Variants in ARHGAP31 observed in about 807,000 individuals in gnomAD.
ARHGAP31 encodes rho GTPase-activating protein 31.
ARHGAP31 carries 34 observed loss-of-function variants against 113.9 expected under a neutral mutation model. The observed-to-expected ratio is 0.30, with a 90% CI of 0.23 to 0.40. ARHGAP31 has a LOEUF of 0.40. Among genes scored for constraint, ARHGAP31 ranks in the 10% least tolerant of loss-of-function variants. The pLI is 1.00. For missense variants in ARHGAP31, 1,548 were observed against 1,767.1 expected, an observed-to-expected ratio of 0.88 and a Z score of 2.22; for synonymous variants, 650 against 684.8, an observed-to-expected ratio of 0.95 and a Z score of 0.79.
chr3:119,405,694 A>G (rs2080655221), intron 10 of ARHGAP31, among the ~76,000 whole-genome samples: 1 of 152,230 alleles, frequency 6.6e-6, no homozygotes, highest in Admixed American at 6.5e-5. Flanking sequence ...AACGATTATC[A>G]ATCTCTGCCT....
chr3:119,369,763 T>G (rs997484209), intron 3 of ARHGAP31, among the ~76,000 whole-genome samples: 25 of 152,182 alleles, frequency 1.6e-4, no homozygotes, highest in African/African-American at 5.8e-4. Context: ...GACTAACAAC[T>G]GTTCATTTCA....
chr3:119,384,900 G>A (rs1049079180), intron 6 of ARHGAP31, among the ~76,000 whole-genome samples: 1 of 151,158 alleles, frequency 6.6e-6, no homozygotes, highest in Non-Finnish European at 1.5e-5. Context: ...CATATAAATG[G>A]AATCATGCCA....
rs372969239 is a variant in ARHGAP31 at position 119,392,250 on chromosome 3, C to A, written c.882-1217C>A. ...ATCGTTTGAGCCCAGGAGTTTGAGA[C>A]CAGCCTGGGCAACATGGTGAAACCC... On this transcript the variant is annotated intron_variant, in intron 7 of 11. Coordinates refer to ENST00000264245, the MANE Select transcript of ARHGAP31 (RefSeq NM_020754.4). Among the ~76,000 whole-genome samples the A allele has an allele frequency of 2.4e-4, 37 of 152,282 alleles. No homozygotes were observed. In the South Asian group the frequency reaches 5.2e-3, roughly 21 times the overall value.
intron 1 of ARHGAP31, among the ~76,000 whole-genome samples, chr3:119,311,045 C>T (rs1423947116): frequency 6.6e-6 from 1 of 152,182 alleles, no homozygotes. Context: ...AGCCTATGTT[C>T]CCCTCTGTCT....
chr3:119,330,624 A>AG (rs1241566628), intron 1 of ARHGAP31, among the ~76,000 whole-genome samples: 10 of 152,188 alleles, frequency 6.6e-5, no homozygotes, highest in Admixed American at 5.9e-4. Context: ...AGCCTTAAGC[A>AG]AGTCACCTCC....
rs1282514358 is a variant in ARHGAP31, at chr3:119,409,751, C to A, written c.1901C>A (p.Ala634Asp). Residue 634 changes from alanine to aspartate, a missense_variant, in exon 11 of 12, where the codon GCC (alanine) becomes GAC (aspartate). Coordinates refer to ENST00000264245, the MANE Select transcript of ARHGAP31 (RefSeq NM_020754.4). ...STLQESPRAR[A>D]EAVLLHEMDE... is the part of the protein sequence containing the mutation. ...CTGCAGGAGAGCCCCAGGGCCAGAG[C>A]CGAAGCTGTGCTTCTCCATGAGATG... The A allele has an allele frequency of 6.2e-7, 1 of 1,605,804 alleles. No individual in the cohort carries two copies. The highest frequency in any genetic ancestry group is 8.5e-7 in the Non-Finnish European group (1 of 1,176,774).
intron 1 of ARHGAP31, among the ~76,000 whole-genome samples, chr3:119,332,671 ACACACG>A (rs2079905700): frequency 6.8e-6 from 1 of 147,052 alleles, no homozygotes; most frequent in African/African-American, 2.6e-5. Flanking sequence ...ACACACACAC[ACACACG>A]CATGCACGCA....
intron 10 of ARHGAP31, among the ~76,000 whole-genome samples, chr3:119,404,273 T>C (rs2080641665): frequency 6.6e-6 from 1 of 152,252 alleles, no homozygotes; most frequent in African/African-American, 2.4e-5. Flanking sequence ...TTATCCGTTT[T>C]TCCCCCTCTC....
chr3:119,332,635 T>TCTCACACA (rs1403595583), intron 1 of ARHGAP31, among the ~76,000 whole-genome samples: 39 of 85,730 alleles, frequency 4.5e-4, no homozygotes, highest in Admixed American at 1.1e-3. Flanking sequence ...TCTCTCTCTC[T>TCTCACACA]CACACACACA....
chr3:119,382,453 C>A lies in ARHGAP31; in HGVS notation c.539+54C>A, dbSNP rs569585203. ...AGCCCAGGGGGCTCAGAGCAGCCCC[C>A]GATTGAAATGAAGATTGGATTCTTC... On this transcript the variant is annotated intron_variant, in intron 5 of 11. Coordinates refer to ENST00000264245, the MANE Select transcript of ARHGAP31 (RefSeq NM_020754.4). 3.1e-5 allele frequency: 47 copies of A among 1,514,944 alleles called. No individual in the cohort carries two copies. The African/African-American group carries it at 4.6e-4, about 15-fold the overall frequency. 93.8% of individuals were successfully genotyped at this position (1,514,944 alleles called of 1,614,324 possible).
intron 10 of ARHGAP31, among the ~76,000 whole-genome samples, chr3:119,404,169 G>A (rs920458989): frequency 6.6e-6 from 1 of 152,164 alleles, no homozygotes; most frequent in Non-Finnish European, 1.5e-5. Flanking sequence ...AAGGCTTTGA[G>A]GAAAACAGTG....
chr3:119,349,585 A>G (rs1343775123), intron 1 of ARHGAP31, among the ~76,000 whole-genome samples: 4 of 152,328 alleles, frequency 2.6e-5, no homozygotes, highest in East Asian at 3.9e-4. Flanking sequence ...ATTCCTTGCT[A>G]TAGACAAACA....
intron 3 of ARHGAP31, among the ~76,000 whole-genome samples, chr3:119,379,995 A>C (rs1366004224): frequency 6.6e-6 from 1 of 152,206 alleles, no homozygotes; most frequent in Non-Finnish European, 1.5e-5. Flanking sequence ...CTGCCCAGGG[A>C]TGCCTGCATC....
chr3:119,399,949 T>G (rs11712165), intron 9 of ARHGAP31, among the ~76,000 whole-genome samples: 46,146 of 152,062 alleles, frequency 0.3, 8,573 homozygotes, highest in East Asian at 0.41. Context: ...CTCTTCTATT[T>G]CTGTTAAGTA....
chr3:119,382,741 G>A (rs990301832), intron 5 of ARHGAP31, among the ~76,000 whole-genome samples: 1 of 152,168 alleles, frequency 6.6e-6, no homozygotes, highest in Admixed American at 6.5e-5. Flanking sequence ...ACCAGAATCA[G>A]CTGCTCCATA....
At chr3:119,370,822 A>G (rs1001642619) in intron 3 of ARHGAP31, among the ~76,000 whole-genome samples, 7 of 152,286 alleles carry the variant, frequency 4.6e-5, no homozygotes, top group Middle Eastern at 3.4e-3. Context: ...TTTTTCACCT[A>G]TATTTTTACA....
chr3:119,337,774 C>G (rs1405241531), intron 1 of ARHGAP31, among the ~76,000 whole-genome samples: 1 of 152,056 alleles, frequency 6.6e-6, no homozygotes, highest in African/African-American at 2.4e-5. Context: ...AGTGCCCTAC[C>G]GGATTAGCTA....
chr3:119,349,468 T>C (rs1448604074), intron 1 of ARHGAP31, among the ~76,000 whole-genome samples: 1 of 152,180 alleles, frequency 6.6e-6, no homozygotes, highest in Non-Finnish European at 1.5e-5. Context: ...ACAATTTACA[T>C]CCTGGACGGA....
rs1311044870 is a variant in ARHGAP31 at position 119,418,818 on chromosome 3, G to A, written c.*2554G>A. On this transcript the variant is annotated 3_prime_UTR_variant, in exon 12 of 12. Transcript: ENST00000264245. Reference sequence around the variant, plus strand: ...ACTCTCAGCTTTCCTTGCTAGTCAAGTCCAAAAGGCCTTAGAAGCTGACTC... The same window carrying A: ...ACTCTCAGCTTTCCTTGCTAGTCAAATCCAAAAGGCCTTAGAAGCTGACTC... 2 of 152,174 alleles carry A rather than the reference G, an allele frequency of 1.3e-5. No individual in the cohort carries two copies. The highest frequency in any genetic ancestry group is 4.8e-5 in the African/African-American group (2 of 41,432). 9.4% of individuals were successfully genotyped at this position (152,174 alleles called of 1,614,324 possible).
Sources: gnomAD v4.1 joint callset for allele counts (sites outside exome capture counted in the v4.1 genomes callset) on GRCh38, gnomAD v4.1.1 for gene constraint, MANE v1.5 for transcripts, NCBI Gene and HGNC (gene_info 2026-07-23, HGNC 2026-07-21) for gene names.